The following CNTNAP2 variants were observed in gnomAD, a reference collection of about 807,000 sequenced individuals.
CNTNAP2 encodes the protein contactin associated protein 2.
Under a neutral mutation model 155.2 loss-of-function variants are expected in CNTNAP2, and 98 were observed. That is an observed-to-expected ratio of 0.63 (90% CI 0.54 to 0.75). The LOEUF is 0.75. CNTNAP2 is among the 30% of genes least tolerant of loss of function. CNTNAP2 has a pLI of 0.00. For missense variants in CNTNAP2, 1,727 were observed against 1,688.1 expected, an observed-to-expected ratio of 1.02 and a Z score of -0.40; for synonymous variants, 651 against 631.2, an observed-to-expected ratio of 1.03 and a Z score of -0.47.
At chr7:146,759,744 G>T (rs1802059112) in intron 1 of CNTNAP2, among the ~76,000 whole-genome samples, 1 of 148,650 alleles carries the variant, frequency 6.7e-6, no homozygotes, top group African/African-American at 2.5e-5. Context: ...GTGAGAGCAA[G>T]GTCCCTCAGA....
intron 15 of CNTNAP2, among the ~76,000 whole-genome samples, chr7:148,092,441 G>T (rs564912075): frequency 1.3e-5 from 2 of 152,216 alleles, no homozygotes; most frequent in South Asian, 4.1e-4. Context: ...TCTTGCCTTG[G>T]ATGGATGAAG....
At chr7:148,117,569 A>G (rs1260475930) in intron 15 of CNTNAP2, among the ~76,000 whole-genome samples, 1 of 151,996 alleles carries the variant, frequency 6.6e-6, no homozygotes, top group Non-Finnish European at 1.5e-5. Flanking sequence ...ACTACCAAAA[A>G]CTTTGTTCTT....
At chr7:148,270,373 A>G (rs902116761) in intron 21 of CNTNAP2, among the ~76,000 whole-genome samples, 1 of 152,236 alleles carries the variant, frequency 6.6e-6, no homozygotes, top group African/African-American at 2.4e-5. Flanking sequence ...GTACACATAA[A>G]TACCTGTAAG....
At chr7:146,684,536 A>G (rs1800560417) in intron 1 of CNTNAP2, among the ~76,000 whole-genome samples, 1 of 151,720 alleles carries the variant, frequency 6.6e-6, no homozygotes, top group Non-Finnish European at 1.5e-5. Context: ...ATGTGGGCCA[A>G]CTAAACTAGA....
At chr7:146,331,489 C>T (rs901082152) in intron 1 of CNTNAP2, among the ~76,000 whole-genome samples, 1 of 152,086 alleles carries the variant, frequency 6.6e-6, no homozygotes, top group Non-Finnish European at 1.5e-5. Flanking sequence ...AATCTACTTG[C>T]AGATGAGGGA....
intron 8 of CNTNAP2, among the ~76,000 whole-genome samples, chr7:147,222,148 A>G (rs1451041719): frequency 2.0e-5 from 3 of 152,268 alleles, no homozygotes; most frequent in African/African-American, 7.2e-5. Context: ...TTAATTTGAG[A>G]AAGTTCTCAG....
At chr7:146,422,072 G>T in intron 1 of CNTNAP2, among the ~76,000 whole-genome samples, 1 of 151,080 alleles carries the variant, frequency 6.6e-6, no homozygotes. Flanking sequence ...CACATCAACT[G>T]TATTATTTAT....
intron 12 of CNTNAP2, among the ~76,000 whole-genome samples, chr7:147,589,737 G>C (rs932571716): frequency 1.3e-5 from 2 of 152,096 alleles, no homozygotes; most frequent in South Asian, 2.1e-4. Context: ...TGTGAACAGT[G>C]CTGCTATGAA....
At chr7:146,394,639 C>T (rs1369737951) in intron 1 of CNTNAP2, among the ~76,000 whole-genome samples, 2 of 151,900 alleles carry the variant, frequency 1.3e-5, no homozygotes, top group Non-Finnish European at 2.9e-5. Context: ...GTCTTATCTC[C>T]CCATGAATAA....
chr7:148,038,334 C>A (rs918437108), intron 15 of CNTNAP2, among the ~76,000 whole-genome samples: 1 of 152,134 alleles, frequency 6.6e-6, no homozygotes, highest in African/African-American at 2.4e-5. Flanking sequence ...GAATCTGTAC[C>A]TTTCCCAAGC....
chr7:146,408,639 G>A (rs1426475226), intron 1 of CNTNAP2, among the ~76,000 whole-genome samples: 4 of 126,732 alleles, frequency 3.2e-5, no homozygotes, highest in Non-Finnish European at 3.3e-5. Flanking sequence ...GGGGGGAGGG[G>A]GGAGGGATAG....
At position 146,380,989 on chromosome 7, in the gene CNTNAP2, A is replaced by G. The variant is rs111897529; in HGVS notation, c.97+264016A>G. Among the ~76,000 whole-genome samples, 751 of 150,780 alleles carry G rather than the reference A, an allele frequency of 5.0e-3. 6 individuals are homozygous for G. In the Middle Eastern group the frequency reaches 0.062, roughly 12 times the overall value. Reference sequence around the variant, plus strand: ...AATTTTTTGTATTTTTAGTAGAGACAGGGTTTCACCGTGTTAGCCAGGATG... The same window carrying G: ...AATTTTTTGTATTTTTAGTAGAGACGGGGTTTCACCGTGTTAGCCAGGATG... On this transcript the variant is annotated intron_variant, in intron 1 of 23. Transcript: ENST00000361727.
intron 8 of CNTNAP2, among the ~76,000 whole-genome samples, chr7:147,291,140 A>G: frequency 6.6e-6 from 1 of 151,832 alleles, no homozygotes; most frequent in East Asian, 1.9e-4. Flanking sequence ...TATCAGCTTG[A>G]TTTTTTTATT....
At chr7:147,180,257 C>G (rs1802427294) in intron 8 of CNTNAP2, among the ~76,000 whole-genome samples, 1 of 152,060 alleles carries the variant, frequency 6.6e-6, no homozygotes, top group South Asian at 2.1e-4. Context: ...ATACAAAGCC[C>G]TAGAGATTTT....
intron 21 of CNTNAP2, among the ~76,000 whole-genome samples, chr7:148,274,014 T>C (rs1202485728): frequency 1.3e-5 from 2 of 152,198 alleles, no homozygotes. Context: ...TCATATACTG[T>C]GATAACCATG....
chr7:147,291,864 AATAAT>A (rs1287292547), intron 8 of CNTNAP2, among the ~76,000 whole-genome samples: 3 of 152,178 alleles, frequency 2.0e-5, no homozygotes, highest in African/African-American at 7.2e-5. Flanking sequence ...CCTGATGACT[AATAAT>A]ATAAAGCACT....
chr7:146,602,627 G>T (rs376488431), intron 1 of CNTNAP2, among the ~76,000 whole-genome samples: 5 of 152,048 alleles, frequency 3.3e-5, no homozygotes, highest in African/African-American at 1.2e-4. Flanking sequence ...ACATAACTAC[G>T]TTGCCCTTGA....
intron 1 of CNTNAP2, among the ~76,000 whole-genome samples, chr7:146,724,672 G>A (rs1801399885): frequency 7.0e-6 from 1 of 143,076 alleles, no homozygotes; most frequent in African/African-American, 2.6e-5. Flanking sequence ...CGTGGTTCAA[G>A]CAATTCTCCT....
rs183443438 is a variant in CNTNAP2 at position 148,008,208 on chromosome 7, A to G, written c.2383+30219A>G. 7.6e-3 allele frequency among the ~76,000 whole-genome samples: 834 copies of G among 109,412 alleles called. 21 individuals are homozygous for G. Among genetic ancestry groups the G allele is most frequent in the Admixed American group, 0.061 (715 of 11,814 alleles). The allele number at this position is 109,412 out of a possible 152,430, so 71.8% of individuals were successfully genotyped here. ...GAAACCCTATGTCTACTAAAAATAC[A>G]AAAAAAAAAAAAAATTAGCTGGGCA... is the stretch of plus-strand genomic sequence containing the variant. On this transcript the variant is annotated intron_variant, in intron 15 of 23. Coordinates refer to ENST00000361727, the MANE Select transcript of CNTNAP2 (RefSeq NM_014141.6).
Sources: gnomAD v4.1 joint callset for allele counts (sites outside exome capture counted in the v4.1 genomes callset) on GRCh38, gnomAD v4.1.1 for gene constraint, MANE v1.5 for transcripts, NCBI Gene and HGNC (gene_info 2026-07-23, HGNC 2026-07-21) for gene names.